PLXNA4: variants seen among roughly 807,000 people sequenced by gnomAD.
PLXNA4 encodes the protein plexin A4.
A neutral mutation model predicts 191.8 loss-of-function variants in PLXNA4; 44 were observed. The observed-to-expected ratio is 0.23, with a 90% CI of 0.18 to 0.29. The LOEUF (loss-of-function observed/expected upper bound fraction) is 0.29, where lower values mean the gene tolerates loss of function less well. PLXNA4 is among the 10% of genes least tolerant of loss of function. The pLI, the probability that PLXNA4 is intolerant of heterozygous loss-of-function variation, is 1.00. For missense variants in PLXNA4, 1,800 were observed against 2,488.8 expected, an observed-to-expected ratio of 0.72 and a Z score of 5.89; for synonymous variants, 1,082 against 1,009.5, an observed-to-expected ratio of 1.07 and a Z score of -1.36.
chr7:132,160,949 T>C (rs1005030951), intron 24 of PLXNA4, among the ~76,000 whole-genome samples: 1 of 152,010 alleles, frequency 6.6e-6, no homozygotes, highest in South Asian at 2.1e-4. Context: ...CTGAAATCTA[T>C]AAAACCAAAC....
rs1169731647 is a variant in PLXNA4, at chr7:132,124,360, T to G, written c.*6119A>C. 1 of 152,134 alleles carries G rather than the reference T, an allele frequency of 6.6e-6. No individual in the cohort carries two copies. Among genetic ancestry groups the G allele is most frequent in the Admixed American group, 6.5e-5 (1 of 15,276 alleles). 9.4% of individuals were successfully genotyped at this position (152,134 alleles called of 1,614,324 possible). On this transcript the variant is annotated 3_prime_UTR_variant, in exon 32 of 32. Coordinates refer to ENST00000321063, the MANE Select transcript of PLXNA4 (RefSeq NM_020911.2). ...TCCCATCTTCGTCCTGTGCCTGGAT[T>G]GCGGCTGACTTCTGTGCACGAAAGT...
intron 3 of PLXNA4, among the ~76,000 whole-genome samples, chr7:132,458,260 G>A (rs1001229155): frequency 1.3e-5 from 2 of 151,486 alleles, no homozygotes; most frequent in Non-Finnish European, 2.9e-5. Context: ...TGCTTGGCAG[G>A]GTCTACCAAA....
At chr7:132,552,447 C>T (rs1563167069) in intron 1 of PLXNA4, among the ~76,000 whole-genome samples, 3 of 152,190 alleles carry the variant, frequency 2.0e-5, no homozygotes, top group Non-Finnish European at 4.4e-5. Context: ...AGTACCTTTG[C>T]CCCAAGATGC....
intron 2 of PLXNA4, among the ~76,000 whole-genome samples, chr7:132,597,006 G>A (rs894394147): frequency 6.6e-6 from 1 of 152,160 alleles, no homozygotes; most frequent in African/African-American, 2.4e-5. Context: ...ATTGTGCAGA[G>A]CTTTGATTTG....
chr7:132,334,252 C>CTTTCTTTTT (rs1554417000), intron 3 of PLXNA4, among the ~76,000 whole-genome samples: 64 of 75,622 alleles, frequency 8.5e-4, no homozygotes, highest in Admixed American at 2.3e-3. Flanking sequence ...TTCTTTCTTT[C>CTTTCTTTTT]TTTTTTTTTT....
chr7:132,325,847 C>G (rs942563547), intron 3 of PLXNA4, among the ~76,000 whole-genome samples: 1 of 152,128 alleles, frequency 6.6e-6, no homozygotes, highest in Non-Finnish European at 1.5e-5. Flanking sequence ...TACAGGGAGA[C>G]GTGTAAAGGC....
intron 2 of PLXNA4, among the ~76,000 whole-genome samples, chr7:132,636,546 A>C (rs1054256504): frequency 1.3e-5 from 2 of 152,196 alleles, no homozygotes; most frequent in Non-Finnish European, 2.9e-5. Context: ...GAAAATGCCC[A>C]AATGCCCTGA....
chr7:132,316,912 T>G (rs2116614782), intron 3 of PLXNA4, among the ~76,000 whole-genome samples: 1 of 152,320 alleles, frequency 6.6e-6, no homozygotes, highest in African/African-American at 2.4e-5. Context: ...AGCTGTGTTG[T>G]GCTGGGGTTG....
chr7:132,625,153 C>G (rs538977957), intron 2 of PLXNA4, among the ~76,000 whole-genome samples: 2 of 152,200 alleles, frequency 1.3e-5, no homozygotes, highest in East Asian at 1.9e-4. Context: ...TTTGAAAGAA[C>G]CTAAACCCTC....
intron 2 of PLXNA4, among the ~76,000 whole-genome samples, chr7:132,602,571 C>G (rs1295866133): frequency 6.6e-6 from 1 of 152,168 alleles, no homozygotes; most frequent in Non-Finnish European, 1.5e-5. Flanking sequence ...ACTCAAGACC[C>G]AAACAAGCTT....
At chr7:132,511,601 A>G (rs770927704) in intron 1 of PLXNA4, among the ~76,000 whole-genome samples, 2 of 152,208 alleles carry the variant, frequency 1.3e-5, no homozygotes, top group Non-Finnish European at 2.9e-5. Context: ...ATGACTGTAA[A>G]GCAGCAGCTG....
At chr7:132,200,644 G>T (rs1020509) in intron 12 of PLXNA4, among the ~76,000 whole-genome samples, 1 of 152,072 alleles carries the variant, frequency 6.6e-6, no homozygotes, top group South Asian at 2.1e-4. Flanking sequence ...GGGCTGCTTT[G>T]CTGGGTGAGG....
chr7:132,299,159 A>T (rs1236549087), intron 3 of PLXNA4, among the ~76,000 whole-genome samples: 1 of 152,214 alleles, frequency 6.6e-6, no homozygotes, highest in East Asian at 1.9e-4. Context: ...TCAGGAACAA[A>T]TATTACTGAG....
At chr7:132,238,644 A>T (rs1798780861) in intron 5 of PLXNA4, among the ~76,000 whole-genome samples, 1 of 152,212 alleles carries the variant, frequency 6.6e-6, no homozygotes, top group Non-Finnish European at 1.5e-5. Context: ...TGGAAACACG[A>T]ATAAGATATA....
chr7:132,410,266 T>C (rs986695440), intron 3 of PLXNA4, among the ~76,000 whole-genome samples: 2 of 150,080 alleles, frequency 1.3e-5, no homozygotes, highest in Non-Finnish European at 3.0e-5. Flanking sequence ...TGAGACCCTC[T>C]GAGCCAGCAC....
At chr7:132,472,945 C>T (rs1041001503) in intron 3 of PLXNA4, among the ~76,000 whole-genome samples, 2 of 152,314 alleles carry the variant, frequency 1.3e-5, no homozygotes, top group Admixed American at 6.5e-5. Context: ...GGACACACTT[C>T]GTTTGAGATG....
rs1388504853 is a variant in PLXNA4, at chr7:132,124,959, C to CA, written c.*5519dup. On this transcript the variant is annotated 3_prime_UTR_variant, in exon 32 of 32. Transcript: ENST00000321063. ...AATGAGTATGTATTTCTCTTACAAC[C>CA]AAAAAATTCTATATACTTTTAAAAC... 5 of 151,230 alleles carry CA rather than the reference C, an allele frequency of 3.3e-5. No individual in the cohort carries two copies. The highest frequency in any genetic ancestry group is 1.2e-4 in the African/African-American group (5 of 41,102). The allele number at this position is 151,230 out of a possible 1,614,324, so 9.4% of individuals were successfully genotyped here. A position where few individuals can be genotyped will look rare whatever the true frequency, so the allele number is the denominator to read the frequency against.
At chr7:132,478,961 G>A (rs149827251) in intron 3 of PLXNA4, among the ~76,000 whole-genome samples, 272 of 152,166 alleles carry the variant, frequency 1.8e-3, no homozygotes, top group African/African-American at 6.0e-3. Flanking sequence ...GAAACTTTTT[G>A]GAAGGCAGCT....
At chr7:132,564,002 TC>T (rs1283445480) in intron 1 of PLXNA4, among the ~76,000 whole-genome samples, 2 of 79,432 alleles carry the variant, frequency 2.5e-5, no homozygotes, top group East Asian at 4.5e-4. Context: ...CTCCTTCTCC[TC>T]CTCCTTCTCC....
Sources: gnomAD v4.1 joint callset for allele counts (sites outside exome capture counted in the v4.1 genomes callset) on GRCh38, gnomAD v4.1.1 for gene constraint, MANE v1.5 for transcripts, NCBI Gene and HGNC (gene_info 2026-07-23, HGNC 2026-07-21) for gene names.